Variants in ADCY3 observed in about 807,000 individuals in gnomAD.
ADCY3 encodes adenylate cyclase 3.
In ADCY3, 70 loss-of-function variants were observed where a neutral mutation model predicts 119.4. The observed-to-expected ratio is 0.59, with a 90% CI of 0.48 to 0.72. The LOEUF is 0.72. Ranked by LOEUF, ADCY3 falls within the 30% of genes least tolerant of loss-of-function variation. ADCY3 has a pLI of 0.00. For synonymous variants in ADCY3, 672 were observed against 621.4 expected, an observed-to-expected ratio of 1.08 and a Z score of -1.21; for missense variants, 1,238 against 1,541.6, an observed-to-expected ratio of 0.80 and a Z score of 3.30.
chr2:24,907,765 T>C (rs1392257179), intron 2 of ADCY3, among the ~76,000 whole-genome samples: 1 of 151,970 alleles, frequency 6.6e-6, no homozygotes. Flanking sequence ...GAGGCCGAGG[T>C]GGGCAGATCA....
At position 24,918,358 on chromosome 2, in the gene ADCY3, G is replaced by C. The variant is rs76805728; in HGVS notation, c.630C>G (p.Ala210=). The change falls in exon 2 of 22, where the codon GCC becomes GCG. Residue 210 remains alanine (A), a synonymous_variant. Transcript: ENST00000679454. This position sits in a 1 kb window ranked among gnomAD's most constrained non-coding sequence, Gnocchi z 5.4. ...CCTTGAGCTCCTCCTGCTGCTGCTG[G>C]GCCACGGTGACCCCCAGGACCAACG... The part of the protein sequence containing the change: ...VHTLVLGVTV[A]QQQQEELKGM... The C allele has an allele frequency of 6.2e-7, 1 of 1,601,360 alleles. No individual in the cohort carries two copies. Among genetic ancestry groups the C allele is most frequent in the Admixed American group, 1.7e-5 (1 of 58,488 alleles).
intron 3 of ADCY3, among the ~76,000 whole-genome samples, chr2:24,857,415 G>T (rs1673131189): frequency 6.6e-6 from 1 of 152,272 alleles, no homozygotes; most frequent in Non-Finnish European, 1.5e-5. Context: ...CCATCCTCTA[G>T]AACAGCGCTA....
At position 24,842,178 on chromosome 2, in the gene ADCY3, A is replaced by G; in HGVS notation, c.956+76T>C. Reference sequence around the variant, plus strand: ...TGGAAAACCTCTTGAAGCCCACAGCACCTAGCGGGTCCCACAAAGATGCAG... The same window carrying G: ...TGGAAAACCTCTTGAAGCCCACAGCGCCTAGCGGGTCCCACAAAGATGCAG... On this transcript the variant is annotated intron_variant, in intron 4 of 21. Transcript: ENST00000679454. The surrounding 1 kb of genome is among the most constrained non-coding windows in gnomAD (Gnocchi z 4.9). 1 of 1,599,448 alleles carries G rather than the reference A, an allele frequency of 6.3e-7. No homozygotes were observed.
At chr2:24,876,128 G>A (rs192641064) in intron 2 of ADCY3, among the ~76,000 whole-genome samples, 3 of 152,276 alleles carry the variant, frequency 2.0e-5, no homozygotes, top group Admixed American at 1.3e-4. Flanking sequence ...GAGTAGCTGG[G>A]ATGACAGGTG....
chr2:24,887,284 C>T lies in ADCY3; in HGVS notation c.676-14565G>A, dbSNP rs137881345. 2.4e-3 allele frequency among the ~76,000 whole-genome samples: 358 copies of T among 152,294 alleles called. 2 individuals are homozygous for T. The highest frequency in any genetic ancestry group is 8.3e-3 in the African/African-American group (346 of 41,556). ...TGGGGGAAACCACCCCATGATTCAACTACCTCCACCTGGTCTCTCCCTTGA... is the reference window on the plus strand; with the variant it reads ...TGGGGGAAACCACCCCATGATTCAATTACCTCCACCTGGTCTCTCCCTTGA... On this transcript the variant is annotated intron_variant, in intron 2 of 21. Transcript: ENST00000679454.
intron 2 of ADCY3, among the ~76,000 whole-genome samples, chr2:24,917,040 G>A (rs1664545304): frequency 6.6e-6 from 1 of 152,252 alleles, no homozygotes; most frequent in Admixed American, 6.5e-5. Flanking sequence ...GCCAGGCCCT[G>A]CCTATGTTAA....
chr2:24,868,039 T>C (rs1336779424), intron 3 of ADCY3, among the ~76,000 whole-genome samples: 1 of 152,190 alleles, frequency 6.6e-6, no homozygotes, highest in Non-Finnish European at 1.5e-5. Flanking sequence ...TGGCAGAATA[T>C]ACATTATTCT....
At chr2:24,887,666 C>T (rs1001260727) in intron 2 of ADCY3, among the ~76,000 whole-genome samples, 1 of 152,072 alleles carries the variant, frequency 6.6e-6, no homozygotes, top group Non-Finnish European at 1.5e-5. Flanking sequence ...GAGGCCAACA[C>T]TCGGGGCAGG....
Position 24,919,074 on chromosome 2 carries a change from G to C in ADCY3, c.-87C>G. The stretch of plus-strand genomic sequence containing the variant: ...ACTGGGCCTCCTCTCAGGGCTCTCT[G>C]AGACCGGGGGAGGGCTGAGGGCCTC... On this transcript the variant is annotated 5_prime_UTR_variant, in exon 2 of 22. Transcript: ENST00000679454. This position sits in a 1 kb window ranked among gnomAD's most constrained non-coding sequence, Gnocchi z 5.5. The C allele has an allele frequency of 1.5e-6, 2 of 1,364,590 alleles. No homozygotes were observed. Among genetic ancestry groups the C allele is most frequent in the South Asian group, 1.5e-5 (1 of 66,882 alleles). 84.5% of individuals were successfully genotyped at this position (1,364,590 alleles called of 1,614,324 possible).
intron 2 of ADCY3, among the ~76,000 whole-genome samples, chr2:24,891,164 C>G (rs772194958): frequency 6.6e-6 from 1 of 152,164 alleles, no homozygotes; most frequent in Non-Finnish European, 1.5e-5. Context: ...CCACTGCGCC[C>G]GGCCTAGACC....
chr2:24,855,709 C>G (rs545807190), intron 3 of ADCY3, among the ~76,000 whole-genome samples: 2 of 152,322 alleles, frequency 1.3e-5, no homozygotes, highest in African/African-American at 2.4e-5. Context: ...AAGCAAGAAC[C>G]TGCCCAGATC....
chr2:24,872,814 G>A lies in ADCY3; in HGVS notation c.676-95C>T. 1.4e-6 allele frequency: 2 copies of A among 1,463,852 alleles called. No individual in the cohort carries two copies. The highest frequency in any genetic ancestry group is 1.9e-6 in the Non-Finnish European group (2 of 1,075,654). 90.7% of individuals were successfully genotyped at this position (1,463,852 alleles called of 1,614,324 possible). A position where few individuals can be genotyped will look rare whatever the true frequency, so the allele number is the denominator to read the frequency against. ...GGGGATGGAGGAGGTGGGGTGGGTG[G>A]TGACCAAAATCAAACCTCAAGTTGC... On this transcript the variant is annotated intron_variant, in intron 2 of 21. Coordinates refer to ENST00000679454, the MANE Select transcript of ADCY3 (RefSeq NM_004036.5). This position sits in a 1 kb window ranked among gnomAD's most constrained non-coding sequence, Gnocchi z 4.4.
rs191767713 is a variant in ADCY3, at chr2:24,833,812, G to A, written c.1967+673C>T. ...CACAGATGAGGAAACAGATGCTGCC[G>A]GAGCCTGCAGTGGCCTGCACGTGGT... On this transcript the variant is annotated intron_variant, in intron 11 of 21. Transcript: ENST00000679454. Among the ~76,000 whole-genome samples the A allele has an allele frequency of 1.3e-3, 205 of 152,342 alleles. 1 individual carries two copies. Among genetic ancestry groups the A allele is most frequent in the Middle Eastern group, 6.8e-3 (2 of 294 alleles).
rs1675197199 is a variant in ADCY3, at chr2:24,872,818, C to T, written c.676-99G>A. On this transcript the variant is annotated intron_variant, in intron 2 of 21. Transcript: ENST00000679454. This position sits in a 1 kb window ranked among gnomAD's most constrained non-coding sequence, Gnocchi z 4.4. ...ATGGAGGAGGTGGGGTGGGTGGTGA[C>T]CAAAATCAAACCTCAAGTTGCCCAA... 1.4e-6 allele frequency: 2 copies of T among 1,436,236 alleles called. No homozygotes were observed. Among genetic ancestry groups the T allele is most frequent in the Admixed American group, 2.1e-5 (1 of 48,292 alleles). 89.0% of individuals were successfully genotyped at this position (1,436,236 alleles called of 1,614,324 possible).
intron 20 of ADCY3, 26 bp downstream of exon 20, chr2:24,821,491 G>A (rs776565887): frequency 2.7e-5 from 44 of 1,611,924 alleles, no homozygotes; most frequent in Admixed American, 8.3e-5. Context: ...AGCCTGCTGC[G>A]GGGCAGGCCA....
intron 21 of ADCY3, 38 bp from the exon 22 acceptor site, chr2:24,820,152 GGGGAGCCTAGACTGAGGGCGGGT>G: frequency 6.6e-7 from 1 of 1,504,680 alleles, no homozygotes; most frequent in Non-Finnish European, 8.9e-7. Context: ...GGCGTTACGG[GGGGAGCCTAGACTGAGGGCGGGT>G]GGGGGCTTTG....
intron 3 of ADCY3, among the ~76,000 whole-genome samples, chr2:24,853,830 C>T (rs996002605): frequency 4.6e-5 from 7 of 152,136 alleles, no homozygotes; most frequent in Non-Finnish European, 8.8e-5. Context: ...GGCATTTCAT[C>T]GCTATTCAAT....
At position 24,841,583 on chromosome 2, in the gene ADCY3, G is replaced by A. The variant is rs1430916968; in HGVS notation, c.1041C>T (p.Leu347=). The A allele has an allele frequency of 1.2e-6, 2 of 1,613,414 alleles. No homozygotes were observed. Among genetic ancestry groups the A allele is most frequent in the Middle Eastern group, 1.7e-4 (1 of 6,040 alleles). Reference sequence around the variant, plus strand: ...CTGCCAGCTTGTCAAAGCGGGCAAAGAGCTCGTTGAGCAGCTTCACAAGCT... The same window carrying A: ...CTGCCAGCTTGTCAAAGCGGGCAAAAAGCTCGTTGAGCAGCTTCACAAGCT... The part of the protein sequence containing the change: ...AQELVKLLNE[L]FARFDKLAAK... Residue 347 remains leucine (L), a synonymous_variant, in exon 5 of 22, where the codon CTC becomes CTT. Transcript: ENST00000679454. The surrounding 1 kb of genome is among the most constrained non-coding windows in gnomAD (Gnocchi z 5.8).
intron 2 of ADCY3, among the ~76,000 whole-genome samples, chr2:24,889,893 T>C (rs1029482452): frequency 1.3e-5 from 2 of 152,236 alleles, no homozygotes; most frequent in African/African-American, 4.8e-5. Flanking sequence ...ACAAGTCATG[T>C]GCTCATAAAG....
Sources: allele counts gnomAD v4.1 joint callset (sites outside exome capture counted in the v4.1 genomes callset), GRCh38; gene constraint gnomAD v4.1.1; non-coding constraint Gnocchi (gnomAD v3.1); transcripts MANE v1.5; gene names NCBI Gene and HGNC (gene_info 2026-07-23, HGNC 2026-07-21).